SGCD: variants seen among roughly 807,000 people sequenced by gnomAD.
SGCD encodes delta-sarcoglycan.
A neutral mutation model predicts 36.6 loss-of-function variants in SGCD; 18 were observed. The observed-to-expected ratio is 0.49, with a 90% CI of 0.34 to 0.73. The LOEUF is 0.73. Among genes scored for constraint, SGCD ranks in the 30% least tolerant of loss-of-function variants. The pLI is 0.01. For synonymous variants in SGCD, 133 were observed against 130.6 expected, an observed-to-expected ratio of 1.02 and a Z score of -0.12; for missense variants, 387 against 346.7, an observed-to-expected ratio of 1.12 and a Z score of -0.92.
At chr5:155,931,531 G>GT (rs966125112) in intron 1 of SGCD, among the ~76,000 whole-genome samples, 11 of 152,160 alleles carry the variant, frequency 7.2e-5, no homozygotes, top group African/African-American at 2.6e-4. Flanking sequence ...AAATTGTGGG[G>GT]TTTTTTGTTT....
intron 6 of SGCD, among the ~76,000 whole-genome samples, chr5:156,637,847 C>T (rs1006899406): frequency 5.3e-5 from 8 of 152,050 alleles, no homozygotes; most frequent in African/African-American, 1.4e-4. Flanking sequence ...GACTGTATTC[C>T]GAAATTAAAT....
chr5:156,617,129 C>T (rs1249265975), intron 6 of SGCD, among the ~76,000 whole-genome samples: 1 of 152,178 alleles, frequency 6.6e-6, no homozygotes, highest in Non-Finnish European at 1.5e-5. Flanking sequence ...AGTTTTGTCT[C>T]ATAGACTTAG....
chr5:156,504,706 A>G (rs765923104), intron 3 of SGCD, among the ~76,000 whole-genome samples: 6 of 152,212 alleles, frequency 3.9e-5, no homozygotes, highest in Non-Finnish European at 8.8e-5. Flanking sequence ...GAAATCCAAG[A>G]AGTAACATAA....
rs774295723 is a variant in SGCD at position 156,344,635 on chromosome 5, G to A, written c.150G>A (p.Leu50=). 1 of 1,610,664 alleles carries A rather than the reference G, an allele frequency of 6.2e-7. No individual in the cohort carries two copies. Among genetic ancestry groups the A allele is most frequent in the Non-Finnish European group, 8.5e-7 (1 of 1,178,458 alleles). The change falls in exon 3 of 9, where the codon TTG becomes TTA. Residue 50 remains leucine, a synonymous_variant. Coordinates refer to ENST00000337851, the MANE Select transcript of SGCD (RefSeq NM_000337.6). ...LLLMILILVN[L]AMTIWILKVM... Reference sequence around the variant, plus strand: ...TCATGATTTTAATACTGGTGAACTTGGCCATGACCATCTGGATTCTCAAAG... The same window carrying A: ...TCATGATTTTAATACTGGTGAACTTAGCCATGACCATCTGGATTCTCAAAG...
Position 156,529,152 on chromosome 5 carries a change from T to G in SGCD, c.294+20450T>G, listed in dbSNP as rs185173217. ...GCCTTAAGAAAGGCACATGGGCCGG[T>G]GCGCCAGCTCACGTCTGTAATCCCA... On this transcript the variant is annotated intron_variant, in intron 4 of 8. Coordinates refer to ENST00000337851, the MANE Select transcript of SGCD (RefSeq NM_000337.6). 2.2e-3 allele frequency among the ~76,000 whole-genome samples: 330 copies of G among 152,050 alleles called. 1 individual carries two copies. Among genetic ancestry groups the G allele is most frequent in the African/African-American group, 7.7e-3 (319 of 41,472 alleles).
At chr5:156,570,972 T>A (rs1216025083) in intron 4 of SGCD, among the ~76,000 whole-genome samples, 2 of 152,228 alleles carry the variant, frequency 1.3e-5, no homozygotes, top group African/African-American at 4.8e-5. Flanking sequence ...ATGTTATGGA[T>A]ATTTTCTATT....
chr5:156,706,082 A>G (rs917650758), intron 7 of SGCD, among the ~76,000 whole-genome samples: 1 of 152,188 alleles, frequency 6.6e-6, no homozygotes, highest in East Asian at 1.9e-4. Context: ...AGAGAAGTTT[A>G]GCATATTATC....
chr5:155,938,066 G>A (rs1273793341), intron 1 of SGCD, among the ~76,000 whole-genome samples: 4 of 152,156 alleles, frequency 2.6e-5, no homozygotes, highest in East Asian at 1.9e-4. Flanking sequence ...AGACATGAAC[G>A]CAAACATGCA....
chr5:156,621,985 G>A (rs920734633), intron 6 of SGCD, among the ~76,000 whole-genome samples: 4 of 152,292 alleles, frequency 2.6e-5, no homozygotes, highest in Non-Finnish European at 5.9e-5. Context: ...AAGTTTAAGG[G>A]TGGAAGTAAG....
chr5:156,484,447 G>A (rs929574013), intron 3 of SGCD, among the ~76,000 whole-genome samples: 3 of 152,304 alleles, frequency 2.0e-5, no homozygotes, highest in African/African-American at 4.8e-5. Flanking sequence ...CGGCATTTAC[G>A]AATGGGTCTT....
intron 1 of SGCD, among the ~76,000 whole-genome samples, chr5:156,106,501 A>G (rs998603332): frequency 3.3e-5 from 5 of 152,340 alleles, no homozygotes; most frequent in Non-Finnish European, 7.3e-5. Flanking sequence ...ATTTTAATCT[A>G]GAACAATCTA....
At chr5:156,231,793 G>A (rs77435577) in intron 3 of SGCD, among the ~76,000 whole-genome samples, 3,130 of 152,250 alleles carry the variant, frequency 0.021, 105 homozygotes, top group African/African-American at 0.068. Flanking sequence ...TAGGACTCAT[G>A]TATAACATAG....
chr5:156,155,577 G>A (rs1196490899), intron 3 of SGCD, among the ~76,000 whole-genome samples: 1 of 147,380 alleles, frequency 6.8e-6, no homozygotes, highest in African/African-American at 2.6e-5. Flanking sequence ...ACCAAATTAT[G>A]GAAAGCCAGA....
intron 4 of SGCD, among the ~76,000 whole-genome samples, chr5:156,523,803 T>C (rs1757512616): frequency 6.6e-6 from 1 of 151,802 alleles, no homozygotes; most frequent in African/African-American, 2.4e-5. Flanking sequence ...TATTGTGTCA[T>C]ACCCAGTTAC....
chr5:156,116,645 GCCCAGA>G (rs1046007661), intron 1 of SGCD, among the ~76,000 whole-genome samples: 3 of 152,078 alleles, frequency 2.0e-5, no homozygotes, highest in African/African-American at 7.2e-5. Context: ...GTGATTGGAA[GCCCAGA>G]CCCTGGACTC....
intron 3 of SGCD, among the ~76,000 whole-genome samples, chr5:156,429,188 C>T (rs1041640724): frequency 4.7e-5 from 7 of 149,798 alleles, no homozygotes; most frequent in South Asian, 2.1e-4. Flanking sequence ...CTTAAGTGTT[C>T]GGTGCATATA....
intron 3 of SGCD, among the ~76,000 whole-genome samples, chr5:156,159,834 C>T (rs950428310): frequency 3.3e-5 from 5 of 151,226 alleles, no homozygotes; most frequent in African/African-American, 1.2e-4. Flanking sequence ...ATGAATTATT[C>T]CAACGTAATT....
intron 3 of SGCD, among the ~76,000 whole-genome samples, chr5:156,138,425 C>A (rs1179306526): frequency 6.6e-6 from 1 of 152,014 alleles, no homozygotes; most frequent in Non-Finnish European, 1.5e-5. Context: ...CAAAACAACC[C>A]AAAACTTCAC....
At chr5:156,682,821 T>G (rs1204474618) in intron 7 of SGCD, among the ~76,000 whole-genome samples, 1 of 152,152 alleles carries the variant, frequency 6.6e-6, no homozygotes, top group Non-Finnish European at 1.5e-5. Context: ...GAAGCAACAT[T>G]AGTACCGTAC....
Sources: allele counts gnomAD v4.1 joint callset (sites outside exome capture counted in the v4.1 genomes callset), GRCh38; gene constraint gnomAD v4.1.1; transcripts MANE v1.5; gene names NCBI Gene and HGNC (gene_info 2026-07-23, HGNC 2026-07-21).